Variants in DDX10 observed in about 807,000 individuals in gnomAD.
DDX10 encodes the protein probable ATP-dependent RNA helicase DDX10.
In DDX10, 74 loss-of-function variants were observed where a neutral mutation model predicts 104.3. The ratio of observed to expected loss-of-function variants is 0.71; its 90% confidence interval spans 0.59 to 0.86. The LOEUF (loss-of-function observed/expected upper bound fraction) is 0.86. DDX10 is among the 40% of genes least tolerant of loss of function. The probability of loss-of-function intolerance (pLI) is 0.00; values close to 1 mark genes in which losing one functional copy is unlikely to be tolerated. For missense variants in DDX10, 952 were observed against 1,040.0 expected, an observed-to-expected ratio of 0.92 and a Z score of 1.16; for synonymous variants, 351 against 353.4, an observed-to-expected ratio of 0.99 and a Z score of 0.08.
chr11:108,827,303 C>T (rs1862408652), intron 13 of DDX10, among the ~76,000 whole-genome samples: 2 of 152,084 alleles, frequency 1.3e-5, no homozygotes, highest in African/African-American at 4.8e-5. Flanking sequence ...TAGGAAAAAG[C>T]ACAGAAGTAA....
chr11:108,855,912 TGTG>T (rs778496812), intron 16 of DDX10, among the ~76,000 whole-genome samples: 207 of 152,356 alleles, frequency 1.4e-3, no homozygotes, highest in Non-Finnish European at 2.2e-3. Context: ...ATTTTTAAGG[TGTG>T]GGGAAAATAT....
intron 9 of DDX10, among the ~76,000 whole-genome samples, chr11:108,694,817 G>A (rs2094257465): frequency 6.6e-6 from 1 of 152,118 alleles, no homozygotes; most frequent in South Asian, 2.1e-4. Context: ...GGAGGCGGAG[G>A]TTGCAGTGAG....
chr11:108,729,794 A>G (rs1774348130), intron 13 of DDX10: 1 of 152,198 alleles, frequency 6.6e-6, no homozygotes, highest in Non-Finnish European at 1.5e-5. Flanking sequence ...CCCTGTCTCT[A>G]AAACAAACAA....
At chr11:108,887,959 T>TTC (rs1555037397) in intron 16 of DDX10, among the ~76,000 whole-genome samples, 20 of 151,412 alleles carry the variant, frequency 1.3e-4, no homozygotes, top group South Asian at 4.2e-4. Context: ...ACAGCTTTTT[T>TTC]CCCCCCCACT....
At chr11:108,812,021 T>G (rs1862189754) in intron 13 of DDX10, among the ~76,000 whole-genome samples, 2 of 152,306 alleles carry the variant, frequency 1.3e-5, no homozygotes, top group South Asian at 4.1e-4. Flanking sequence ...CACTTGAATT[T>G]TTTTTATCCT....
chr11:108,687,443 G>A (rs886407010), intron 6 of DDX10, among the ~76,000 whole-genome samples: 2 of 152,122 alleles, frequency 1.3e-5, no homozygotes, highest in Non-Finnish European at 2.9e-5. Context: ...CCAGGTAGCT[G>A]GGACTATAGG....
chr11:108,665,373 G>A, intron 1 of DDX10, 34 bp downstream of exon 1: 1 of 1,523,680 alleles, frequency 6.6e-7, no homozygotes, highest in Non-Finnish European at 8.8e-7. Flanking sequence ...GCTCGGGCCG[G>A]CCAGCAGCGG....
chr11:108,812,153 G>A (rs1591824775), intron 13 of DDX10, among the ~76,000 whole-genome samples: 1 of 152,120 alleles, frequency 6.6e-6, no homozygotes, highest in Non-Finnish European at 1.5e-5. Context: ...GCTGTTGTTA[G>A]AGACTTTGCC....
chr11:108,845,330 T>A (rs2134599643), intron 15 of DDX10, among the ~76,000 whole-genome samples: 1 of 152,362 alleles, frequency 6.6e-6, no homozygotes, highest in East Asian at 1.9e-4. Context: ...TACTTTGCTT[T>A]AATTAATTGC....
At chr11:108,830,306 G>T (rs916984701) in intron 13 of DDX10, among the ~76,000 whole-genome samples, 2 of 151,972 alleles carry the variant, frequency 1.3e-5, no homozygotes, top group African/African-American at 4.8e-5. Flanking sequence ...AGTATTTTAC[G>T]TTTTTTTGCA....
intron 16 of DDX10, among the ~76,000 whole-genome samples, chr11:108,854,264 C>T (rs1469397255): frequency 6.6e-6 from 1 of 152,176 alleles, no homozygotes; most frequent in South Asian, 2.1e-4. Context: ...TATTTGGAAA[C>T]ACTTGGTAAA....
chr11:108,724,788 A>G (rs1024348815), intron 13 of DDX10, among the ~76,000 whole-genome samples: 1 of 152,122 alleles, frequency 6.6e-6, no homozygotes, highest in Admixed American at 6.6e-5. Flanking sequence ...TCTAAGTACT[A>G]ATAGCTCATC....
At chr11:108,704,110 G>A (rs1247764382) in intron 9 of DDX10, among the ~76,000 whole-genome samples, 2 of 152,086 alleles carry the variant, frequency 1.3e-5, no homozygotes, top group Non-Finnish European at 2.9e-5. Context: ...ATCCTCCCAG[G>A]TGCTCCCTGG....
chr11:108,716,000 C>A, intron 11 of DDX10, 34 bp downstream of exon 11: 1 of 1,115,730 alleles, frequency 9.0e-7, no homozygotes, highest in Non-Finnish European at 1.4e-6. Flanking sequence ...CTTTCATTGA[C>A]TGGAAAAACA....
intron 13 of DDX10, among the ~76,000 whole-genome samples, chr11:108,816,680 G>A (rs938408708): frequency 1.3e-5 from 2 of 151,614 alleles, no homozygotes; most frequent in African/African-American, 4.8e-5. Context: ...AGCCTCCCAA[G>A]TAGTGGAGAT....
chr11:108,670,943 A>G (rs1016211205), intron 1 of DDX10, among the ~76,000 whole-genome samples: 7 of 152,152 alleles, frequency 4.6e-5, no homozygotes. Flanking sequence ...AATAGGCATT[A>G]CCAGAGAGTT....
At chr11:108,884,097 T>C (rs538971431) in intron 16 of DDX10, among the ~76,000 whole-genome samples, 1 of 152,352 alleles carries the variant, frequency 6.6e-6, no homozygotes, top group Admixed American at 6.5e-5. Flanking sequence ...ACCTCTCTCC[T>C]GAGCCCCTGG....
At chr11:108,695,237 AGATTAT>A (rs1270904812) in intron 9 of DDX10, among the ~76,000 whole-genome samples, 1 of 152,244 alleles carries the variant, frequency 6.6e-6, no homozygotes, top group Non-Finnish European at 1.5e-5. Context: ...TATGATCTTT[AGATTAT>A]GATTATGGTT....
chr11:108,928,480 A>G (rs1377149625), intron 17 of DDX10, among the ~76,000 whole-genome samples: 5 of 152,210 alleles, frequency 3.3e-5, no homozygotes, highest in African/African-American at 4.8e-5. Flanking sequence ...ATATTGATCT[A>G]CACGCTGTAT....
Sources: gnomAD v4.1 joint callset for allele counts (sites outside exome capture counted in the v4.1 genomes callset) on GRCh38, gnomAD v4.1.1 for gene constraint, MANE v1.5 for transcripts, NCBI Gene and HGNC (gene_info 2026-07-23, HGNC 2026-07-21) for gene names.